The following AOAH variants were observed in gnomAD, a reference collection of about 807,000 sequenced individuals.
AOAH encodes the protein acyloxyacyl hydrolase, also known as acyloxyacyl hydrolase (neutrophil).
In AOAH, 64 loss-of-function variants were observed where a neutral mutation model predicts 92.2. The ratio of observed to expected loss-of-function variants is 0.69; its 90% CI spans 0.57 to 0.86. The LOEUF is 0.86. AOAH is among the 40% of genes least tolerant of loss of function. The pLI, the probability that AOAH is intolerant of heterozygous loss-of-function variation, is 0.00. For synonymous variants in AOAH, 263 were observed against 254.5 expected, an observed-to-expected ratio of 1.03 and a Z score of -0.32; for missense variants, 656 against 694.6, an observed-to-expected ratio of 0.94 and a Z score of 0.62.
intron 6 of AOAH, among the ~76,000 whole-genome samples, 183 bp from the exon 7 acceptor site, chr7:36,623,433 T>C (rs1216814050): frequency 6.6e-6 from 1 of 152,214 alleles, no homozygotes; most frequent in African/African-American, 2.4e-5. Flanking sequence ...TGCCAATCTC[T>C]GCTCTTTACC....
chr7:36,634,072 G>C (rs1793350677), intron 5 of AOAH, among the ~76,000 whole-genome samples: 1 of 152,206 alleles, frequency 6.6e-6, no homozygotes, highest in African/African-American at 2.4e-5. Flanking sequence ...GGGTGATGGT[G>C]TGAAGAAGGG....
At chr7:36,692,499 C>T (rs1291110777) in intron 1 of AOAH, among the ~76,000 whole-genome samples, 3 of 151,864 alleles carry the variant, frequency 2.0e-5, no homozygotes, top group South Asian at 2.1e-4. Context: ...AAATTGCCAA[C>T]GTTGCCAAGA....
intron 11 of AOAH, among the ~76,000 whole-genome samples, chr7:36,597,586 G>A (rs984843309): frequency 2.5e-4 from 38 of 152,172 alleles, no homozygotes; most frequent in Admixed American, 4.6e-4. Flanking sequence ...TGCAAAACAC[G>A]TTGAAACTTA....
chr7:36,691,549 C>A (rs1437365681), intron 1 of AOAH, among the ~76,000 whole-genome samples: 1 of 152,102 alleles, frequency 6.6e-6, no homozygotes, highest in East Asian at 1.9e-4. Flanking sequence ...GGAAGGCTAC[C>A]TAAGGTGCTC....
At chr7:36,651,124 G>C (rs1356916335) in intron 4 of AOAH, among the ~76,000 whole-genome samples, 1 of 152,312 alleles carries the variant, frequency 6.6e-6, no homozygotes. Flanking sequence ...CTCAGCCCTC[G>C]TCTGCTGGGG....
Position 36,686,762 on chromosome 7 carries a change from G to A in AOAH, c.160C>T (p.Leu54Phe), listed in dbSNP as rs763107359. ...CVLVVSVIEQLAQVHNSTVQA... is the reference protein window; with the variant it reads ...CVLVVSVIEQFAQVHNSTVQA... The stretch of plus-strand genomic sequence containing the variant: ...ACCGTCGAGTTGTGAACTTGAGCAA[G>A]CTGTTCTATTACAGACACCACCAGC... Residue 54 changes from leucine (L) to phenylalanine (F), a missense_variant, in exon 2 of 21, where the codon CTT (leucine) becomes TTT (phenylalanine). Leu to Phe is a conservative substitution (Grantham distance 22, BLOSUM62 0). Coordinates refer to ENST00000617537, the MANE Select transcript of AOAH (RefSeq NM_001637.4). 62 of 1,580,256 alleles carry A rather than the reference G, an allele frequency of 3.9e-5. No individual in the cohort carries two copies. The highest frequency in any genetic ancestry group is 5.2e-5 in the Non-Finnish European group (60 of 1,163,032).
At chr7:36,678,782 G>A (rs1476918305) in intron 2 of AOAH, among the ~76,000 whole-genome samples, 2 of 152,172 alleles carry the variant, frequency 1.3e-5, no homozygotes, top group Non-Finnish European at 2.9e-5. Context: ...GCTAAATTCT[G>A]AGAGCAATCC....
At chr7:36,577,543 A>G in intron 12 of AOAH, among the ~76,000 whole-genome samples, 1 of 152,150 alleles carries the variant, frequency 6.6e-6, no homozygotes, top group East Asian at 1.9e-4. Context: ...CTTGAATCTA[A>G]TACTAATAAA....
intron 1 of AOAH, among the ~76,000 whole-genome samples, chr7:36,688,320 A>G (rs1470619958): frequency 6.6e-6 from 1 of 152,236 alleles, no homozygotes; most frequent in Admixed American, 6.5e-5. Context: ...CAGTATAAGA[A>G]AAGATAATAA....
At chr7:36,714,658 C>T (rs1172518231) in intron 1 of AOAH, among the ~76,000 whole-genome samples, 2 of 152,304 alleles carry the variant, frequency 1.3e-5, no homozygotes, top group East Asian at 3.9e-4. Context: ...CCCTGGGATG[C>T]AAGGCTGGTT....
chr7:36,657,182 C>T (rs112685343), intron 4 of AOAH, among the ~76,000 whole-genome samples: 3 of 152,288 alleles, frequency 2.0e-5, no homozygotes, highest in African/African-American at 7.2e-5. Context: ...AGGATTTCAG[C>T]TGACTGTTGT....
chr7:36,659,714 A>G (rs910526339), intron 3 of AOAH, among the ~76,000 whole-genome samples: 2 of 152,024 alleles, frequency 1.3e-5, no homozygotes, highest in Non-Finnish European at 2.9e-5. Context: ...CAATCCAAAC[A>G]ATCTATTCTA....
intron 11 of AOAH, among the ~76,000 whole-genome samples, chr7:36,608,914 G>C (rs1023372334): frequency 1.4e-5 from 2 of 145,100 alleles, no homozygotes; most frequent in African/African-American, 5.0e-5. Context: ...GCGGGGAGGG[G>C]GGGGGGTCTG....
chr7:36,528,521 C>T (rs1784518722), intron 19 of AOAH, among the ~76,000 whole-genome samples: 1 of 152,168 alleles, frequency 6.6e-6, no homozygotes. Flanking sequence ...GCTCCTGGCA[C>T]ATAGCAGGAC....
chr7:36,636,514 G>T (rs991168295), intron 5 of AOAH, among the ~76,000 whole-genome samples: 1 of 152,204 alleles, frequency 6.6e-6, no homozygotes, highest in Non-Finnish European at 1.5e-5. Context: ...TCTGAAGGGG[G>T]TGGTCAAGAG....
chr7:36,584,726 C>G (rs901874201), intron 12 of AOAH, among the ~76,000 whole-genome samples: 1 of 152,170 alleles, frequency 6.6e-6, no homozygotes, highest in Admixed American at 6.5e-5. Context: ...CATATTTTTA[C>G]ATATCACATC....
At position 36,540,440 on chromosome 7, in the gene AOAH, G is replaced by A. The variant is rs145831683; in HGVS notation, c.1185C>T (p.Asn395=). The A allele has an allele frequency of 4.0e-5, 64 of 1,613,992 alleles. 1 individual carries two copies. Among genetic ancestry groups the A allele is most frequent in the South Asian group, 1.8e-4 (16 of 91,050 alleles). ...TTAGATGCTTCAGAGTCTGCATGAC[G>A]TTGGAGTAGAGTTTCTCAGGAGTGG... The part of the protein sequence containing the change: ...AMTTPEKLYS[N]VMQTLKHLNS... The change falls in exon 16 of 21, where the codon AAC becomes AAT. Residue 395 remains asparagine (N), a synonymous_variant. Coordinates refer to ENST00000617537, the MANE Select transcript of AOAH (RefSeq NM_001637.4).
chr7:36,544,291 T>C (rs985005738), intron 15 of AOAH, among the ~76,000 whole-genome samples: 2 of 152,136 alleles, frequency 1.3e-5, no homozygotes, highest in South Asian at 2.1e-4. Context: ...CTTTTTCCCC[T>C]CTGGTGATGT....
intron 7 of AOAH, among the ~76,000 whole-genome samples, chr7:36,622,859 A>C (rs1201000053): frequency 6.6e-6 from 1 of 152,168 alleles, no homozygotes; most frequent in Non-Finnish European, 1.5e-5. Context: ...CAGCCTGGCC[A>C]ACATGGTGAA....
Sources: allele counts gnomAD v4.1 joint callset (sites outside exome capture counted in the v4.1 genomes callset), GRCh38; gene constraint gnomAD v4.1.1; transcripts MANE v1.5; gene names NCBI Gene and HGNC (gene_info 2026-07-23, HGNC 2026-07-21).